KLHL4: variants seen among roughly 807,000 people sequenced by gnomAD.
KLHL4 encodes kelch-like protein 4.
Under a neutral mutation model 45.8 loss-of-function variants are expected in KLHL4, and 17 were observed. The ratio of observed to expected loss-of-function variants is 0.37; its 90% CI spans 0.25 to 0.56. The LOEUF is 0.56. KLHL4 is among the 20% of genes least tolerant of loss of function. The pLI, the probability that KLHL4 is intolerant of heterozygous loss-of-function variation, is 0.79. For missense variants in KLHL4, 544 were observed against 544.9 expected (o/e 1.00, Z 0.02); for synonymous variants, 224 against 189.9 (o/e 1.18, Z -1.47).
chrX:87,610,199 C>T (rs1401548118), intron 1 of KLHL4, among the ~76,000 whole-genome samples: 1 of 112,025 alleles, frequency 8.9e-6, no homozygotes, highest in Non-Finnish European at 1.9e-5. Context: ...CACTACCTGA[C>T]ATACTTATTT....
chrX:87,564,996 A>G (rs2213677), intron 1 of KLHL4, among the ~76,000 whole-genome samples: 18,233 of 111,602 alleles, frequency 0.16, 1,466 homozygotes, highest in Admixed American at 0.4. Flanking sequence ...ATGAAAGTAG[A>G]CATCAAGAAA....
chrX:87,535,538 G>A (rs1476653282), intron 1 of KLHL4, among the ~76,000 whole-genome samples: 1 of 111,361 alleles, frequency 9.0e-6, no homozygotes, highest in Non-Finnish European at 1.9e-5. Context: ...AAAACATTCA[G>A]CCAACTCAGG....
chrX:87,604,294 A>G (rs772369186), intron 1 of KLHL4, among the ~76,000 whole-genome samples: 2 of 110,985 alleles, frequency 1.8e-5, no homozygotes, highest in South Asian at 7.6e-4. Flanking sequence ...TCAGTCACAT[A>G]GGTATTCATA....
chrX:87,608,767 CT>C (rs369382726), intron 1 of KLHL4, among the ~76,000 whole-genome samples: 1 of 110,572 alleles, frequency 9.0e-6, no homozygotes, highest in Non-Finnish European at 1.9e-5. Context: ...GTACCCATGA[CT>C]TTTTTTATTA....
chrX:87,554,332 G>T (rs1931914322), intron 1 of KLHL4, among the ~76,000 whole-genome samples: 1 of 92,619 alleles, frequency 1.1e-5, no homozygotes, highest in South Asian at 5.6e-4. Flanking sequence ...TCACGATATT[G>T]ATTCTTCCTA....
In KLHL4 at chrX:87,622,327, T is replaced by C; in HGVS notation, c.1041T>C (p.His347=). 8.3e-7 allele frequency: 1 copy of C among 1,208,729 alleles called. No homozygotes were observed. Among genetic ancestry groups the C allele is most frequent in the Non-Finnish European group, 1.1e-6 (1 of 892,931 alleles). The stretch of plus-strand genomic sequence containing the variant: ...TGCCTGATGAAGAGACCATTTTTCA[T>C]GCTCTAATGCAGTGGGTGGGGCATG... ...INVPDEETIF[H]ALMQWVGHDV... The change falls in exon 5 of 11, where the codon CAT becomes CAC. Residue 347 remains histidine (H), a synonymous_variant. Transcript: ENST00000373119.
At chrX:87,532,372 A>C (rs960693897) in intron 1 of KLHL4, among the ~76,000 whole-genome samples, 50 of 109,268 alleles carry the variant, frequency 4.6e-4, no homozygotes, top group Non-Finnish European at 9.0e-4. Flanking sequence ...TAGCATGATG[A>C]CTCCAGCTTT....
rs769461279 is a variant in KLHL4, at chrX:87,622,593, A to G, written c.1137+170A>G. Among the ~76,000 whole-genome samples, 6 of 111,911 alleles carry G rather than the reference A, an allele frequency of 5.4e-5. No individual in the cohort carries two copies. In the South Asian group the frequency reaches 2.2e-3, roughly 42 times the overall value. The stretch of plus-strand genomic sequence containing the variant: ...CAGCCATCAATTAGAGGCATTAATA[A>G]AAGACAGAAAAAAACACGGCTAAAA... On this transcript the variant is annotated intron_variant, in intron 5 of 10. Coordinates refer to ENST00000373119, the MANE Select transcript of KLHL4 (RefSeq NM_019117.5).
intron 1 of KLHL4, among the ~76,000 whole-genome samples, chrX:87,547,113 G>A (rs1313198086): frequency 8.9e-6 from 1 of 111,774 alleles, no homozygotes; most frequent in African/African-American, 3.3e-5. Flanking sequence ...TCAGACATGA[G>A]ATTTGGGTGG....
chrX:87,557,372 T>G (rs1932000823), intron 1 of KLHL4, among the ~76,000 whole-genome samples: 1 of 111,763 alleles, frequency 8.9e-6, no homozygotes, highest in African/African-American at 3.2e-5. Flanking sequence ...TTGGCAACTT[T>G]TATGGATAGC....
rs561812500 is a variant in KLHL4, at chrX:87,609,813, G to T, written c.423-4064G>T. Among the ~76,000 whole-genome samples, 90 of 111,283 alleles carry T rather than the reference G, an allele frequency of 8.1e-4. 5 individuals are homozygous for T. The South Asian group carries it at 0.033, about 41-fold the overall frequency. On this transcript the variant is annotated intron_variant, in intron 1 of 10. Transcript: ENST00000373119. The stretch of plus-strand genomic sequence containing the variant: ...GGCTTGTGTTGCCATTGCTTTTGGT[G>T]TTTTAGACATGAAGTCCTTGAAGGG...
intron 1 of KLHL4, among the ~76,000 whole-genome samples, chrX:87,560,677 A>G (rs989412991): frequency 6.3e-5 from 7 of 111,610 alleles, no homozygotes; most frequent in Non-Finnish European, 9.4e-5. Flanking sequence ...TATTTTAGAC[A>G]CCTTATATAA....
At chrX:87,580,442 G>A (rs1226449296) in intron 1 of KLHL4, among the ~76,000 whole-genome samples, 2 of 110,455 alleles carry the variant, frequency 1.8e-5, no homozygotes, top group African/African-American at 6.6e-5. Flanking sequence ...GGATAAAAAC[G>A]CAAGATCCAA....
chrX:87,631,454 A>T (rs1758458962), intron 6 of KLHL4, among the ~76,000 whole-genome samples: 1 of 111,259 alleles, frequency 9.0e-6, no homozygotes, highest in Admixed American at 9.5e-5. Context: ...ATTTCTCTCT[A>T]CCTCTTGTAT....
chrX:87,582,140 A>C (rs4354453), intron 1 of KLHL4, among the ~76,000 whole-genome samples: 26,552 of 110,998 alleles, frequency 0.24, 2,694 homozygotes, highest in East Asian at 0.51. Context: ...CTGAAGTAAG[A>C]CAGGCAGACA....
chrX:87,579,379 A>G (rs1921201534), intron 1 of KLHL4, among the ~76,000 whole-genome samples: 1 of 111,757 alleles, frequency 8.9e-6, no homozygotes, highest in African/African-American at 3.3e-5. Context: ...TCAAACAAAT[A>G]CATACATTAT....
chrX:87,540,095 T>A (rs866671724), intron 1 of KLHL4, among the ~76,000 whole-genome samples: 3 of 110,952 alleles, frequency 2.7e-5, no homozygotes, highest in African/African-American at 9.8e-5. Context: ...TATCAAAGAT[T>A]AAAGAAGGGT....
At chrX:87,639,345 G>A (rs1923373137) in intron 9 of KLHL4, among the ~76,000 whole-genome samples, 1 of 111,137 alleles carries the variant, frequency 9.0e-6, no homozygotes, top group Admixed American at 9.6e-5. Context: ...AGAACTAATG[G>A]ACTTAGATAT....
intron 1 of KLHL4, among the ~76,000 whole-genome samples, chrX:87,575,779 TA>T (rs1602424886): frequency 9.0e-6 from 1 of 111,442 alleles, no homozygotes; most frequent in African/African-American, 3.3e-5. Flanking sequence ...ATGAAATTTG[TA>T]AAAAGAAGTG....
Sources: gnomAD v4.1 joint callset for allele counts (sites outside exome capture counted in the v4.1 genomes callset) on GRCh38, gnomAD v4.1.1 for gene constraint, MANE v1.5 for transcripts, NCBI Gene and HGNC (gene_info 2026-07-23, HGNC 2026-07-21) for gene names.